DOK6: variants seen among roughly 807,000 people sequenced by gnomAD.
DOK6 encodes downstream of tyrosine kinase 6.
In DOK6, 22 loss-of-function variants were observed where a neutral mutation model predicts 44.0. That is an observed-to-expected ratio of 0.50 (90% CI 0.36 to 0.71). The LOEUF is 0.71. Among genes scored for constraint, DOK6 ranks in the 30% least tolerant of loss-of-function variants. The pLI is 0.00. For missense variants in DOK6, 340 were observed against 416.4 expected, an observed-to-expected ratio of 0.82 and a Z score of 1.60; for synonymous variants, 166 against 145.5, an observed-to-expected ratio of 1.14 and a Z score of -1.01.
chr18:69,797,606 C>T (rs879626401), intron 7 of DOK6, among the ~76,000 whole-genome samples: 1 of 152,100 alleles, frequency 6.6e-6, no homozygotes, highest in Non-Finnish European at 1.5e-5. Flanking sequence ...GACTTTATCA[C>T]TGTTTTCCCA....
intron 6 of DOK6, among the ~76,000 whole-genome samples, chr18:69,752,980 G>A (rs1023191002): frequency 2.0e-5 from 3 of 152,132 alleles, no homozygotes; most frequent in African/African-American, 7.2e-5. Flanking sequence ...TCCTGGTCAG[G>A]AAACAAATCT....
At chr18:69,531,474 C>T (rs899138092) in intron 1 of DOK6, among the ~76,000 whole-genome samples, 3 of 151,048 alleles carry the variant, frequency 2.0e-5, no homozygotes, top group African/African-American at 2.4e-5. Flanking sequence ...AGATATTTTA[C>T]AAATAAATGG....
intron 7 of DOK6, among the ~76,000 whole-genome samples, chr18:69,776,459 G>A (rs921452855): frequency 6.6e-6 from 1 of 151,986 alleles, no homozygotes; most frequent in East Asian, 1.9e-4. Flanking sequence ...GGAACTACAC[G>A]ATAATGAAAA....
intron 3 of DOK6, among the ~76,000 whole-genome samples, chr18:69,601,386 C>T (rs766596238): frequency 3.9e-5 from 6 of 152,154 alleles, no homozygotes; most frequent in African/African-American, 1.4e-4. Context: ...ATGTCAGTCT[C>T]TATAATATAT....
At chr18:69,411,796 C>T (rs904878194) in intron 1 of DOK6, among the ~76,000 whole-genome samples, 1 of 152,114 alleles carries the variant, frequency 6.6e-6, no homozygotes, top group Non-Finnish European at 1.5e-5. Flanking sequence ...CATTCTTTCT[C>T]TTTGTCCTTA....
At chr18:69,669,675 C>A (rs117414199) in intron 3 of DOK6, among the ~76,000 whole-genome samples, 4 of 152,252 alleles carry the variant, frequency 2.6e-5, no homozygotes, top group Admixed American at 1.3e-4. Context: ...CCCGCACCCC[C>A]CCGCCGACCC....
intron 1 of DOK6, among the ~76,000 whole-genome samples, chr18:69,532,555 C>T (rs891457276): frequency 6.6e-6 from 1 of 152,038 alleles, no homozygotes; most frequent in African/African-American, 2.4e-5. Context: ...TATTCACTGC[C>T]AATAGCATTA....
At chr18:69,736,381 T>G (rs531660633) in intron 5 of DOK6, among the ~76,000 whole-genome samples, 26 of 152,302 alleles carry the variant, frequency 1.7e-4, no homozygotes, top group Non-Finnish European at 3.4e-4. Flanking sequence ...CTTAGAATTT[T>G]TATGAGGCCC....
At chr18:69,805,864 G>A (rs1490632338) in intron 7 of DOK6, among the ~76,000 whole-genome samples, 1 of 151,986 alleles carries the variant, frequency 6.6e-6, no homozygotes, top group Non-Finnish European at 1.5e-5. Context: ...TATGAATGGT[G>A]CCTATCCTTT....
intron 1 of DOK6, among the ~76,000 whole-genome samples, chr18:69,411,680 A>C (rs1978306569): frequency 6.6e-6 from 1 of 152,024 alleles, no homozygotes; most frequent in Non-Finnish European, 1.5e-5. Context: ...TTTTCATTCC[A>C]TTCATCTTTC....
intron 1 of DOK6, among the ~76,000 whole-genome samples, chr18:69,519,273 T>C (rs899811578): frequency 4.6e-5 from 7 of 151,988 alleles, no homozygotes; most frequent in African/African-American, 1.7e-4. Context: ...ATGCAGACTT[T>C]TGGAGGGTAA....
intron 1 of DOK6, among the ~76,000 whole-genome samples, chr18:69,493,037 A>G (rs1980781154): frequency 6.6e-6 from 1 of 152,096 alleles, no homozygotes; most frequent in Non-Finnish European, 1.5e-5. Flanking sequence ...TCAAAATATT[A>G]GCTATCACAT....
chr18:69,839,473 C>T (rs1026521983), intron 7 of DOK6, among the ~76,000 whole-genome samples: 4 of 152,076 alleles, frequency 2.6e-5, no homozygotes, highest in African/African-American at 9.7e-5. Context: ...TAATCACTAC[C>T]TTAACCCATC....
chr18:69,579,850 G>A (rs908092979), intron 2 of DOK6, among the ~76,000 whole-genome samples: 3 of 152,148 alleles, frequency 2.0e-5, no homozygotes, highest in Non-Finnish European at 2.9e-5. Context: ...AGAGATCCTC[G>A]TGGAGCGGTC....
intron 3 of DOK6, chr18:69,661,147 A>T (rs1473326837): frequency 6.6e-6 from 1 of 152,236 alleles, no homozygotes; most frequent in African/African-American, 2.4e-5. Flanking sequence ...ACAGAAATGT[A>T]TGTCTCCCAG....
rs149804320 is a variant in DOK6, at chr18:69,578,038, G to A, written c.174+13444G>A. Among the ~76,000 whole-genome samples, 379 of 151,952 alleles carry A rather than the reference G, an allele frequency of 2.5e-3. 1 individual carries two copies. Among genetic ancestry groups the A allele is most frequent in the African/African-American group, 8.8e-3 (366 of 41,422 alleles). ...ACATACCTATGTAACAAACCTGCAC[G>A]TTCTGCACCTGTATCCCAGAACGTA... is the stretch of plus-strand genomic sequence containing the variant. On this transcript the variant is annotated intron_variant, in intron 2 of 7. Transcript: ENST00000382713.
chr18:69,507,244 G>T (rs113372792), intron 1 of DOK6, among the ~76,000 whole-genome samples: 26 of 152,038 alleles, frequency 1.7e-4, no homozygotes, highest in African/African-American at 6.0e-4. Context: ...AGCCAGAATG[G>T]TCTTGATCTC....
intron 3 of DOK6, among the ~76,000 whole-genome samples, chr18:69,613,704 A>G (rs1282241491): frequency 3.9e-5 from 6 of 152,008 alleles, no homozygotes; most frequent in Non-Finnish European, 8.8e-5. Context: ...ATGAAACCTA[A>G]AAACTTATCT....
At chr18:69,801,857 C>T (rs946783370) in intron 7 of DOK6, among the ~76,000 whole-genome samples, 3 of 152,144 alleles carry the variant, frequency 2.0e-5, no homozygotes, top group Admixed American at 2.0e-4. Flanking sequence ...ATTGTTCTTG[C>T]AGAGTGTTGA....
Sources: allele counts gnomAD v4.1 joint callset (sites outside exome capture counted in the v4.1 genomes callset), GRCh38; gene constraint gnomAD v4.1.1; transcripts MANE v1.5; gene names NCBI Gene and HGNC (gene_info 2026-07-23, HGNC 2026-07-21).